PRDM15: variants seen among roughly 807,000 people sequenced by gnomAD.
PRDM15 encodes the protein PR/SET domain 15.
PRDM15 carries 64 observed loss-of-function variants against 128.6 expected under a neutral mutation model. That is an observed-to-expected ratio of 0.50 (90% confidence interval 0.41 to 0.61). The LOEUF (loss-of-function observed/expected upper bound fraction) is 0.61, where lower values mean the gene tolerates loss of function less well. Ranked by LOEUF, PRDM15 falls within the 20% of genes least tolerant of loss-of-function variation. The pLI is 0.00. For missense variants in PRDM15, 1,242 were observed against 1,569.1 expected (o/e 0.79, Z 3.52); for synonymous variants, 615 against 621.8 (o/e 0.99, Z 0.16).
intron 1 of PRDM15, among the ~76,000 whole-genome samples, chr21:41,864,826 C>T (rs368586956): frequency 1.3e-5 from 2 of 152,100 alleles, no homozygotes; most frequent in African/African-American, 2.4e-5. Flanking sequence ...AGGAACAAAA[C>T]CCAAACTCCT....
intron 13 of PRDM15, among the ~76,000 whole-genome samples, chr21:41,824,360 G>A (rs982340797): frequency 6.6e-6 from 1 of 152,206 alleles, no homozygotes; most frequent in African/African-American, 2.4e-5. Context: ...AGAGGACAGA[G>A]TCTGCAGATG....
At chr21:41,849,707 C>T (rs1181647321) in intron 5 of PRDM15, among the ~76,000 whole-genome samples, 2 of 152,160 alleles carry the variant, frequency 1.3e-5, no homozygotes, top group Non-Finnish European at 2.9e-5. Context: ...GAGGTTGAGG[C>T]AGGTGAATCA....
chr21:41,869,106 G>A (rs1361072908), intron 1 of PRDM15, among the ~76,000 whole-genome samples: 1 of 152,120 alleles, frequency 6.6e-6, no homozygotes, highest in African/African-American at 2.4e-5. Flanking sequence ...CTCCCTGTCT[G>A]GGGCTTGTCT....
At chr21:41,870,168 C>T (rs2064161214) in intron 1 of PRDM15, among the ~76,000 whole-genome samples, 1 of 152,180 alleles carries the variant, frequency 6.6e-6, no homozygotes, top group African/African-American at 2.4e-5. Context: ...TGCTCAGATT[C>T]ACATATGTAA....
chr21:41,876,868 C>A (rs926373041), intron 1 of PRDM15, among the ~76,000 whole-genome samples: 1 of 152,218 alleles, frequency 6.6e-6, no homozygotes, highest in Non-Finnish European at 1.5e-5. Context: ...GGAGTGGAAT[C>A]ATGCAGGGCC....
Position 41,834,410 on chromosome 21 carries a change from C to T in PRDM15, c.1366+1027G>A, listed in dbSNP as rs921959436. ...TGCTGCAGGTGCCCTGTTCTCAACA[C>T]AGGGGCGGGTGGCACCTTAACAAGA... On this transcript the variant is annotated intron_variant, in intron 11 of 23. Coordinates refer to ENST00000398548, the MANE Select transcript of PRDM15 (RefSeq NM_001040424.3). The T allele has an allele frequency of 3.7e-5, 43 of 1,168,398 alleles. No homozygotes were observed. In the Admixed American group the frequency reaches 4.0e-4, roughly 11 times the overall value. The allele number at this position is 1,168,398 out of a possible 1,614,324, so 72.4% of individuals were successfully genotyped here. A position where few individuals can be genotyped will look rare whatever the true frequency, so the allele number is the denominator to read the frequency against.
At position 41,879,041 on chromosome 21, in the gene PRDM15, A is replaced by G; in HGVS notation, c.-10+229T>C. 1.8e-6 allele frequency: 2 copies of G among 1,117,182 alleles called. No homozygotes were observed. Among genetic ancestry groups the G allele is most frequent in the Non-Finnish European group, 2.2e-6 (2 of 892,074 alleles). The allele number at this position is 1,117,182 out of a possible 1,614,324, so 69.2% of individuals were successfully genotyped here. A position where few individuals can be genotyped will look rare whatever the true frequency, so the allele number is the denominator to read the frequency against. ...AGGGCGATCCCGGAGCGGCTCCGGG[A>G]AATCCAGCCGGGTTTTGACTCCGAT... On this transcript the variant is annotated intron_variant, in intron 1 of 23. Transcript: ENST00000398548. The surrounding 1 kb of genome is among the most constrained non-coding windows in gnomAD (Gnocchi z 5.1).
At chr21:41,834,409 A>G (rs1040818744) in intron 11 of PRDM15, 3 of 1,165,254 alleles carry the variant, frequency 2.6e-6, no homozygotes, top group Non-Finnish European at 3.8e-6. Context: ...TGTTCTCAAC[A>G]CAGGGGCGGG....
chr21:41,804,243 C>T (rs1376053742), intron 22 of PRDM15, among the ~76,000 whole-genome samples: 4 of 152,192 alleles, frequency 2.6e-5, no homozygotes, highest in Admixed American at 2.0e-4. Flanking sequence ...GGATTACAGG[C>T]GTGAGCCACC....
intron 6 of PRDM15, among the ~76,000 whole-genome samples, chr21:41,841,703 T>TAC (rs1347839523): frequency 6.6e-6 from 1 of 152,240 alleles, no homozygotes; most frequent in East Asian, 1.9e-4. Flanking sequence ...GATGTATATA[T>TAC]ACTCTACTTG....
At chr21:41,836,090 A>AC (rs765942677) in intron 10 of PRDM15, 23 bp downstream of exon 10, 2 of 1,565,204 alleles carry the variant, frequency 1.3e-6, no homozygotes, top group South Asian at 2.2e-5. Flanking sequence ...TGGGAAGAGA[A>AC]CCCTGGGCTT....
chr21:41,848,310 T>G (rs1169565906), intron 5 of PRDM15, among the ~76,000 whole-genome samples: 9 of 152,240 alleles, frequency 5.9e-5, no homozygotes, highest in African/African-American at 1.9e-4. Context: ...ACCCTGTGCA[T>G]GCATGTTCTG....
intron 1 of PRDM15, chr21:41,871,401 A>T: frequency 2.1e-6 from 2 of 944,912 alleles, no homozygotes; most frequent in South Asian, 2.7e-5. Flanking sequence ...CCTCTCTGTC[A>T]CTGTCCCTCT....
At chr21:41,839,876 AC>A in intron 6 of PRDM15, 23 bp from the exon 7 acceptor site, 1 of 1,601,330 alleles carries the variant, frequency 6.2e-7, no homozygotes, top group Non-Finnish European at 8.6e-7. Flanking sequence ...ACGCGAATGC[AC>A]CACACAATTA....
chr21:41,835,496 C>T lies in PRDM15; in HGVS notation c.1307G>A (p.Gly436Asp), dbSNP rs1179002051. 1 of 1,610,322 alleles carries T rather than the reference C, an allele frequency of 6.2e-7. No homozygotes were observed. The highest frequency in any genetic ancestry group is 1.7e-5 in the Admixed American group (1 of 60,022). ...GATGCGGAAGGTCTTCTCACAAGTG[C>T]CGCAGCGGTACCTGTACTCGCCGTC... Reference protein sequence around the residue: ...EVDGEYRYRCGTCEKTFRIES... With the variant: ...EVDGEYRYRCDTCEKTFRIES... The change falls in exon 11 of 24, where the codon GGC becomes GAC. Residue 436 changes from glycine (G) to aspartate (D), a missense_variant. Gly to Asp is a moderately conservative substitution (Grantham distance 94). Coordinates refer to ENST00000398548, the MANE Select transcript of PRDM15 (RefSeq NM_001040424.3).
At chr21:41,806,391 CCAT>C (rs2061628382) in intron 21 of PRDM15, among the ~76,000 whole-genome samples, 2 of 79,632 alleles carry the variant, frequency 2.5e-5, no homozygotes, top group African/African-American at 1.0e-4. Flanking sequence ...ACCACCACCA[CCAT>C]CACCACCACC....
At chr21:41,866,553 C>A (rs17766544) in intron 1 of PRDM15, among the ~76,000 whole-genome samples, 1 of 152,322 alleles carries the variant, frequency 6.6e-6, no homozygotes, top group Non-Finnish European at 1.5e-5. Context: ...TCCTGGTTCA[C>A]GTACTTGAAA....
At chr21:41,875,617 C>T (rs2064385597) in intron 1 of PRDM15, among the ~76,000 whole-genome samples, 1 of 152,240 alleles carries the variant, frequency 6.6e-6, no homozygotes, top group Non-Finnish European at 1.5e-5. Flanking sequence ...CGCACACGAA[C>T]AAGCTCTTCT....
At chr21:41,877,361 T>C (rs2146077980) in intron 1 of PRDM15, 2 of 152,492 alleles carry the variant, frequency 1.3e-5, no homozygotes, top group Middle Eastern at 3.4e-3. Flanking sequence ...CTCCATTCAC[T>C]ACAGCGTGGG....
Sources: gnomAD v4.1 joint callset for allele counts (sites outside exome capture counted in the v4.1 genomes callset) on GRCh38, gnomAD v4.1.1 for gene constraint, Gnocchi (gnomAD v3.1) non-coding constraint, MANE v1.5 for transcripts, NCBI Gene and HGNC (gene_info 2026-07-23, HGNC 2026-07-21) for gene names.